IQGAP2: variants seen among roughly 807,000 people sequenced by gnomAD.
IQGAP2 encodes the protein IQ motif containing GTPase activating protein 2.
IQGAP2 carries 173 observed loss-of-function variants against 201.3 expected under a neutral mutation model. The observed-to-expected ratio is 0.86, with a 90% CI of 0.76 to 0.98. IQGAP2 has a LOEUF of 0.98. Among genes scored for constraint, IQGAP2 ranks in the 50% least tolerant of loss-of-function variants. The pLI is 0.00. For synonymous variants in IQGAP2, 675 were observed against 673.9 expected, an observed-to-expected ratio of 1.00 and a Z score of -0.03; for missense variants, 1,687 against 1,864.8, an observed-to-expected ratio of 0.90 and a Z score of 1.76.
At chr5:76,557,640 A>G (rs1479644797) in intron 2 of IQGAP2, among the ~76,000 whole-genome samples, 1 of 152,194 alleles carries the variant, frequency 6.6e-6, no homozygotes, top group Non-Finnish European at 1.5e-5. Flanking sequence ...TATGTTAAGT[A>G]CTTGCTTTGT....
chr5:76,455,396 T>C (rs913665890), intron 1 of IQGAP2, among the ~76,000 whole-genome samples: 1 of 138,826 alleles, frequency 7.2e-6, no homozygotes, highest in African/African-American at 2.8e-5. Context: ...GAGGTTGCAG[T>C]GAGCCAAGAT....
chr5:76,695,680 G>A lies in IQGAP2; in HGVS notation c.4206+14G>A, dbSNP rs779956640. 1.2e-5 allele frequency: 19 copies of A among 1,602,056 alleles called. No homozygotes were observed. The highest frequency in any genetic ancestry group is 9.4e-5 in the African/African-American group (7 of 74,626). On this transcript the variant is annotated intron_variant, in intron 32 of 35. Coordinates refer to ENST00000274364, the MANE Select transcript of IQGAP2 (RefSeq NM_006633.5). The stretch of plus-strand genomic sequence containing the variant: ...GAGATTGCCAAGGTTTTTGGAAACA[G>A]TATTCTTTCTTCCTTCACTTAGCAG...
Position 76,631,906 on chromosome 5 carries a change from T to C in IQGAP2, c.1660T>C (p.Ser554Pro). The change falls in exon 15 of 36, where the codon TCA (serine) becomes CCA (proline). Residue 554 changes from serine (S) to proline (P), a missense_variant. Transcript: ENST00000274364. ...DVNQCLEGKK[S>P]SDILSVLKSS... Reference sequence around the variant, plus strand: ...TAATCAGTGTTTGGAAGGAAAAAAATCAAGTGATATTTTGTCTGTATTGAA... The same window carrying C: ...TAATCAGTGTTTGGAAGGAAAAAAACCAAGTGATATTTTGTCTGTATTGAA... 1 of 1,610,520 alleles carries C rather than the reference T, an allele frequency of 6.2e-7. No homozygotes were observed. The highest frequency in any genetic ancestry group is 1.1e-5 in the South Asian group (1 of 90,440).
chr5:76,597,631 G>C (rs542494087), intron 10 of IQGAP2, 29 bp downstream of exon 10: 2 of 1,612,296 alleles, frequency 1.2e-6, no homozygotes, highest in South Asian at 2.2e-5. Flanking sequence ...CAGCTGTGGG[G>C]ACGGTAACCC....
intron 2 of IQGAP2, among the ~76,000 whole-genome samples, chr5:76,551,167 G>C (rs926552212): frequency 1.3e-5 from 2 of 149,724 alleles, no homozygotes; most frequent in African/African-American, 4.9e-5. Flanking sequence ...CCTCCCAGAC[G>C]GGGTGGCGGT....
chr5:76,668,585 A>AGAGC (rs1419937300), intron 22 of IQGAP2, 96 bp from the exon 23 acceptor site: 2 of 940,046 alleles, frequency 2.1e-6, no homozygotes, highest in East Asian at 5.2e-5. Context: ...AAGTCATTGA[A>AGAGC]GAGCAGGGAA....
chr5:76,530,566 TA>T (rs1403792179), intron 2 of IQGAP2, among the ~76,000 whole-genome samples: 4 of 152,262 alleles, frequency 2.6e-5, no homozygotes, highest in Non-Finnish European at 4.4e-5. Flanking sequence ...AGTTTAGTAC[TA>T]GGTTTCTCCT....
intron 11 of IQGAP2, among the ~76,000 whole-genome samples, chr5:76,603,719 A>T (rs1056851978): frequency 1.3e-5 from 2 of 152,148 alleles, no homozygotes; most frequent in African/African-American, 4.8e-5. Context: ...CATGTTTTAC[A>T]TGTAGTAAGT....
intron 9 of IQGAP2, among the ~76,000 whole-genome samples, chr5:76,595,737 G>C (rs1746984791): frequency 6.6e-6 from 1 of 150,578 alleles, no homozygotes; most frequent in East Asian, 1.9e-4. Context: ...CTCCAGCCTT[G>C]GCAACAGAGC....
At chr5:76,491,266 T>C (rs575127852) in intron 2 of IQGAP2, among the ~76,000 whole-genome samples, 1 of 152,288 alleles carries the variant, frequency 6.6e-6, no homozygotes, top group Admixed American at 6.5e-5. Flanking sequence ...TGCTAAACCT[T>C]GAAAAAGTCT....
chr5:76,611,322 A>T lies in IQGAP2; in HGVS notation c.1521+139A>T, dbSNP rs143970476. 1.2e-3 allele frequency: 738 copies of T among 613,906 alleles called. 3 individuals are homozygous for T. Among genetic ancestry groups the T allele is most frequent in the Middle Eastern group, 2.4e-3 (7 of 2,938 alleles). The allele number at this position is 613,906 out of a possible 1,614,324, so 38.0% of individuals were successfully genotyped here. The stretch of plus-strand genomic sequence containing the variant: ...ATTACCCATGAATCAGAATGGAAAT[A>T]ATAGAGCTGTTATTTTCCTGGTAAC... On this transcript the variant is annotated intron_variant, in intron 13 of 35. Transcript: ENST00000274364.
rs563981355 is a variant in IQGAP2, at chr5:76,659,242, C to T, written c.2529+575C>T. On this transcript the variant is annotated intron_variant, in intron 21 of 35. Transcript: ENST00000274364. Reference sequence around the variant, plus strand: ...AATGAAATCTATATGATAAAATGTACTGATGTATATACCTTCAGAATAAGA... The same window carrying T: ...AATGAAATCTATATGATAAAATGTATTGATGTATATACCTTCAGAATAAGA... 1.3e-4 allele frequency among the ~76,000 whole-genome samples: 20 copies of T among 152,212 alleles called. No individual in the cohort carries two copies. In the South Asian group the frequency reaches 4.1e-3, roughly 32 times the overall value.
intron 1 of IQGAP2, among the ~76,000 whole-genome samples, chr5:76,413,416 G>A (rs115627561): frequency 0.011 from 1,630 of 152,130 alleles, 16 homozygotes; most frequent in South Asian, 0.024. Context: ...TGATCCATCC[G>A]TCTCGGCCTC....
chr5:76,549,116 A>G (rs969780968), intron 2 of IQGAP2, among the ~76,000 whole-genome samples: 1 of 152,184 alleles, frequency 6.6e-6, no homozygotes, highest in African/African-American at 2.4e-5. Flanking sequence ...GGTGAGCAGT[A>G]AAAACTACAA....
At chr5:76,479,233 T>C (rs1393593457) in intron 2 of IQGAP2, among the ~76,000 whole-genome samples, 2 of 152,174 alleles carry the variant, frequency 1.3e-5, no homozygotes, top group African/African-American at 4.8e-5. Flanking sequence ...GAAGACATTC[T>C]CACTCGCTGT....
intron 2 of IQGAP2, among the ~76,000 whole-genome samples, chr5:76,478,972 G>A (rs1755609679): frequency 6.6e-6 from 1 of 152,086 alleles, no homozygotes; most frequent in African/African-American, 2.4e-5. Context: ...GAGGTGTTTA[G>A]TTAGGCCTTT....
chr5:76,594,497 C>T (rs1018305592), intron 9 of IQGAP2, among the ~76,000 whole-genome samples: 12 of 151,934 alleles, frequency 7.9e-5, no homozygotes, highest in Middle Eastern at 3.4e-3. Context: ...ATGGTAAAAC[C>T]GGCTGAAAAT....
At chr5:76,574,322 A>G (rs780957623) in intron 4 of IQGAP2, among the ~76,000 whole-genome samples, 1 of 152,028 alleles carries the variant, frequency 6.6e-6, no homozygotes, top group Non-Finnish European at 1.5e-5. Context: ...TTTTGTTTTG[A>G]GATGAAGTTC....
At chr5:76,504,728 C>T (rs778790752) in intron 2 of IQGAP2, among the ~76,000 whole-genome samples, 11 of 152,208 alleles carry the variant, frequency 7.2e-5, no homozygotes, top group South Asian at 4.1e-4. Flanking sequence ...GTCTCTTTCA[C>T]GTCCTTATCA....
Sources: allele counts gnomAD v4.1 joint callset (sites outside exome capture counted in the v4.1 genomes callset), GRCh38; gene constraint gnomAD v4.1.1; transcripts MANE v1.5; gene names NCBI Gene and HGNC (gene_info 2026-07-23, HGNC 2026-07-21).